Variants in L3MBTL4 observed in about 807,000 individuals in gnomAD.
The protein encoded by L3MBTL4 is L3MBTL histone methyl-lysine binding protein 4.
In L3MBTL4, 70 loss-of-function variants were observed where a neutral mutation model predicts 84.5. That is an observed-to-expected ratio of 0.83 (90% CI 0.68 to 1.01). The LOEUF (loss-of-function observed/expected upper bound fraction) is 1.01, where lower values mean the gene tolerates loss of function less well. L3MBTL4 is among the 50% of genes least tolerant of loss of function. L3MBTL4 has a pLI of 0.00. For missense variants in L3MBTL4, 715 were observed against 754.8 expected, an observed-to-expected ratio of 0.95 and a Z score of 0.62; for synonymous variants, 274 against 259.8, an observed-to-expected ratio of 1.05 and a Z score of -0.52.
At chr18:6,384,855 G>A (rs1298732440) in intron 1 of L3MBTL4, among the ~76,000 whole-genome samples, 4 of 152,170 alleles carry the variant, frequency 2.6e-5, no homozygotes, top group African/African-American at 9.6e-5. Context: ...GGCTCACCTG[G>A]GACAAGAAGA....
At chr18:6,168,584 C>T (rs2043801702) in intron 13 of L3MBTL4, among the ~76,000 whole-genome samples, 1 of 152,104 alleles carries the variant, frequency 6.6e-6, no homozygotes, top group Non-Finnish European at 1.5e-5. Context: ...GGAAAGGATT[C>T]CCTATTTAAT....
At chr18:5,994,678 A>G (rs1567961331) in intron 16 of L3MBTL4, among the ~76,000 whole-genome samples, 2 of 152,128 alleles carry the variant, frequency 1.3e-5, no homozygotes, top group Non-Finnish European at 2.9e-5. Context: ...GACTGCCTCC[A>G]GCGACAGAGA....
intron 1 of L3MBTL4, among the ~76,000 whole-genome samples, chr18:6,379,668 G>A (rs565359592): frequency 3.0e-4 from 45 of 152,116 alleles, no homozygotes; most frequent in Non-Finnish European, 5.1e-4. Flanking sequence ...ATATGAAGCC[G>A]ACTTGATCGT....
intron 12 of L3MBTL4, among the ~76,000 whole-genome samples, chr18:6,210,771 T>C (rs998011536): frequency 1.3e-5 from 2 of 152,198 alleles, no homozygotes; most frequent in Non-Finnish European, 2.9e-5. Flanking sequence ...ACATTCCCCA[T>C]GTAATTCCAA....
intron 12 of L3MBTL4, among the ~76,000 whole-genome samples, chr18:6,212,365 C>A (rs2046145770): frequency 6.6e-6 from 1 of 152,270 alleles, no homozygotes; most frequent in South Asian, 2.1e-4. Flanking sequence ...GAACCTAAAT[C>A]TATCTTTTAA....
intron 1 of L3MBTL4, among the ~76,000 whole-genome samples, chr18:6,392,050 C>T (rs1049268752): frequency 6.6e-6 from 1 of 152,038 alleles, no homozygotes; most frequent in African/African-American, 2.4e-5. Context: ...CCAAAACAAC[C>T]CTAAGCATAA....
chr18:6,068,563 G>A (rs1292307672), intron 16 of L3MBTL4, among the ~76,000 whole-genome samples: 3 of 152,292 alleles, frequency 2.0e-5, no homozygotes, highest in Non-Finnish European at 4.4e-5. Context: ...AAGTAGAGAG[G>A]AGTTGTGACT....
At chr18:6,113,456 A>T (rs1273032210) in intron 14 of L3MBTL4, among the ~76,000 whole-genome samples, 1 of 98,058 alleles carries the variant, frequency 1.0e-5, no homozygotes, top group African/African-American at 4.1e-5. Context: ...ATTGGAGGCA[A>T]GTGTGGGCAA....
intron 3 of L3MBTL4, among the ~76,000 whole-genome samples, chr18:6,310,248 A>C (rs2050768284): frequency 6.6e-6 from 1 of 152,352 alleles, no homozygotes; most frequent in South Asian, 2.1e-4. Flanking sequence ...GGCCTGCCCA[A>C]GTCTGGTCCA....
At chr18:6,278,560 C>T (rs1373718123) in intron 4 of L3MBTL4, among the ~76,000 whole-genome samples, 1 of 152,078 alleles carries the variant, frequency 6.6e-6, no homozygotes, top group East Asian at 1.9e-4. Flanking sequence ...TCTAGTTTTG[C>T]TTTTTGTACT....
intron 16 of L3MBTL4, among the ~76,000 whole-genome samples, chr18:5,988,356 C>T (rs532638456): frequency 2.2e-4 from 33 of 152,214 alleles, no homozygotes; most frequent in African/African-American, 3.6e-4. Flanking sequence ...AACAATTCTA[C>T]GATTGTTGGA....
intron 13 of L3MBTL4, among the ~76,000 whole-genome samples, chr18:6,158,596 C>A (rs775372958): frequency 2.6e-5 from 4 of 152,120 alleles, no homozygotes; most frequent in Admixed American, 1.3e-4. Context: ...TTTCATTTAC[C>A]CTTCCTTCAT....
chr18:6,146,259 G>A (rs1322226399), intron 13 of L3MBTL4, among the ~76,000 whole-genome samples: 1 of 152,220 alleles, frequency 6.6e-6, no homozygotes, highest in Non-Finnish European at 1.5e-5. Context: ...ACTGGAGTCA[G>A]CCCTTCAGAG....
chr18:6,385,244 A>G (rs1268049910), intron 1 of L3MBTL4, among the ~76,000 whole-genome samples: 1 of 151,954 alleles, frequency 6.6e-6, no homozygotes, highest in Non-Finnish European at 1.5e-5. Flanking sequence ...TCAAAAAAAT[A>G]TATAGTATTT....
chr18:6,171,925 C>T lies in L3MBTL4; in HGVS notation c.999G>A (p.Trp333Ter), dbSNP rs866402158. The T allele has an allele frequency of 2.6e-6, 4 of 1,547,754 alleles. No individual in the cohort carries two copies. The highest frequency in any genetic ancestry group is 1.7e-4 in the Middle Eastern group (1 of 5,992). ...CCACCCAGTAGTCATACTTATGGTC[C>T]CAACCATCAAAATGAACCTGTTAAA... ...DQRVKVHFDGWDHKYDYWVEA... is the reference protein window; with the variant it reads ...DQRVKVHFDG Residue 333 changes from tryptophan to a stop codon, truncating the protein, a stop_gained, in exon 13 of 19, where the codon TGG (tryptophan) becomes TGA (stop). Coordinates refer to ENST00000317931, the MANE Select transcript of L3MBTL4 (RefSeq NM_001330559.2). LOFTEE classifies it high-confidence loss of function.
At chr18:6,069,543 G>A (rs924904098) in intron 16 of L3MBTL4, among the ~76,000 whole-genome samples, 3 of 152,142 alleles carry the variant, frequency 2.0e-5, no homozygotes, top group Non-Finnish European at 1.5e-5. Context: ...TGAGGGCAGG[G>A]TTAGGCGGGT....
chr18:6,042,091 C>T (rs1009733548), intron 16 of L3MBTL4, among the ~76,000 whole-genome samples: 1 of 152,156 alleles, frequency 6.6e-6, no homozygotes, highest in Non-Finnish European at 1.5e-5. Context: ...GCCATACCTC[C>T]CCAAGCCCTC....
intron 16 of L3MBTL4, among the ~76,000 whole-genome samples, chr18:6,072,670 C>A (rs1482846167): frequency 6.9e-6 from 1 of 145,116 alleles, no homozygotes; most frequent in East Asian, 2.1e-4. Context: ...GAAACCCTGT[C>A]TCTACTAAAA....
intron 10 of L3MBTL4, among the ~76,000 whole-genome samples, chr18:6,228,434 A>G (rs1318187889): frequency 6.6e-6 from 1 of 152,194 alleles, no homozygotes; most frequent in Non-Finnish European, 1.5e-5. Context: ...TTTGAACAAT[A>G]TTGTTCAGAA....
Sources: gnomAD v4.1 joint callset for allele counts (sites outside exome capture counted in the v4.1 genomes callset) on GRCh38, gnomAD v4.1.1 for gene constraint, MANE v1.5 for transcripts, NCBI Gene and HGNC (gene_info 2026-07-23, HGNC 2026-07-21) for gene names.